Variants in PEDS1 observed in about 807,000 individuals in gnomAD.
PEDS1 encodes CarF homolog.
PEDS1 carries 14 observed loss-of-function variants against 35.2 expected under a neutral mutation model. The observed-to-expected ratio is 0.40, with a 90% CI of 0.26 to 0.62. The LOEUF is 0.62. PEDS1 is among the 20% of genes least tolerant of loss of function. The pLI is 0.44. For synonymous variants in PEDS1, 152 were observed against 152.0 expected, an observed-to-expected ratio of 1.00 and a Z score of 0.00; for missense variants, 260 against 367.8, an observed-to-expected ratio of 0.71 and a Z score of 2.40.
In PEDS1 at chr20:50,128,156, G is replaced by A; in HGVS notation, c.510C>T (p.Cys170=). The change falls in exon 5 of 6, where the codon TGC becomes TGT. Residue 170 remains cysteine (C), a synonymous_variant. Coordinates refer to ENST00000371652, the MANE Select transcript of PEDS1 (RefSeq NM_199129.4). This position sits in a 1 kb window ranked among gnomAD's most constrained non-coding sequence, Gnocchi z 5.2. ...CGAAGATGATCAGGCAGAAGACGAA[G>A]CACTCCCAGGGGTATAGCTGCTCCA... ...EALEQLYPWE[C]FVFCLIIFGT... 2 of 1,614,156 alleles carry A rather than the reference G, an allele frequency of 1.2e-6. No homozygotes were observed. Among genetic ancestry groups the A allele is most frequent in the Middle Eastern group, 1.6e-4 (1 of 6,062 alleles).
intron 1 of PEDS1, among the ~76,000 whole-genome samples, chr20:50,149,804 C>T (rs2081383623): frequency 6.6e-6 from 1 of 152,186 alleles, no homozygotes; most frequent in African/African-American, 2.4e-5. Context: ...GGCTGGCTGA[C>T]TTCCATAGTG....
At position 50,130,964 on chromosome 20, in the gene PEDS1, G is replaced by A; in HGVS notation, c.242-17C>T. 6.2e-7 allele frequency: 1 copy of A among 1,614,200 alleles called. No homozygotes were observed. The highest frequency in any genetic ancestry group is 8.5e-7 in the Non-Finnish European group (1 of 1,180,036). Reference sequence around the variant, plus strand: ...CCCCTGCAACTGTGGACAAGAGGGTGAGTGAAGGGACATCCCTGCACCCCC... The same window carrying A: ...CCCCTGCAACTGTGGACAAGAGGGTAAGTGAAGGGACATCCCTGCACCCCC... On this transcript the variant is annotated splice_polypyrimidine_tract_variant and intron_variant, in intron 2 of 5. Coordinates refer to ENST00000371652, the MANE Select transcript of PEDS1 (RefSeq NM_199129.4).
intron 2 of PEDS1, chr20:50,131,229 C>A: frequency 1.5e-6 from 1 of 671,062 alleles, no homozygotes. Flanking sequence ...CTATTAGGAG[C>A]AGGCTGTGCC....
At chr20:50,142,695 C>CCG (rs1555884367) in intron 2 of PEDS1, among the ~76,000 whole-genome samples, 5 of 107,104 alleles carry the variant, frequency 4.7e-5, no homozygotes, top group Admixed American at 8.4e-5. Flanking sequence ...CCCCCCCCCC[C>CCG]GCCCCAACGG....
At chr20:50,140,359 CT>C (rs1486265986) in intron 2 of PEDS1, among the ~76,000 whole-genome samples, 1 of 152,264 alleles carries the variant, frequency 6.6e-6, no homozygotes, top group African/African-American at 2.4e-5. Flanking sequence ...TGTCAACTCC[CT>C]GTGGGAAACT....
rs750774323 is a variant in PEDS1, at chr20:50,129,702, G to A, written c.334-12C>T. 7 of 1,613,604 alleles carry A rather than the reference G, an allele frequency of 4.3e-6. No individual in the cohort carries two copies. The Admixed American group carries it at 8.3e-5, about 19-fold the overall frequency. ...GGTCGGATGAAAGCCTGGAGTTGAG[G>A]GGGACACAGCCCCAGCAGTCAGCCT... is the stretch of plus-strand genomic sequence containing the variant. On this transcript the variant is annotated splice_polypyrimidine_tract_variant and intron_variant, in intron 3 of 5. Transcript: ENST00000371652. This position sits in a 1 kb window ranked among gnomAD's most constrained non-coding sequence, Gnocchi z 4.2.
chr20:50,152,530 G>C (rs1256740393), intron 1 of PEDS1, among the ~76,000 whole-genome samples: 1 of 151,710 alleles, frequency 6.6e-6, no homozygotes, highest in Non-Finnish European at 1.5e-5. Flanking sequence ...AAAATTCCTA[G>C]GGCTCACGTA....
In PEDS1 at chr20:50,143,637, G is replaced by C. The variant is rs775126822; in HGVS notation, c.122-16C>G. ...AGGCGCTTGCCTGCAGGGAGCAGAG[G>C]CGAGAGGTAAAGGCTGGAAGGTCAA... On this transcript the variant is annotated splice_polypyrimidine_tract_variant and intron_variant, in intron 1 of 5. Coordinates refer to ENST00000371652, the MANE Select transcript of PEDS1 (RefSeq NM_199129.4). The C allele has an allele frequency of 2.0e-5, 32 of 1,613,850 alleles. No individual in the cohort carries two copies. The African/African-American group carries it at 3.9e-4, about 20-fold the overall frequency.
chr20:50,139,772 C>T (rs1408010074), intron 2 of PEDS1, among the ~76,000 whole-genome samples: 2 of 151,766 alleles, frequency 1.3e-5, no homozygotes, highest in African/African-American at 4.8e-5. Context: ...CTCTGCCTCC[C>T]GTGTTCAATC....
intron 2 of PEDS1, among the ~76,000 whole-genome samples, chr20:50,140,947 G>T (rs1170661904): frequency 6.6e-6 from 1 of 152,198 alleles, no homozygotes; most frequent in Non-Finnish European, 1.5e-5. Context: ...GAAATGTGTG[G>T]GATGGGGAAG....
chr20:50,153,712 ACGC>A lies in PEDS1; in HGVS notation c.-78_-76del. ...AGGGCCGCGGAACCGCGGCGAGATC[ACGC>A]CGCCCAATGACCGCCCAGCGCCGGG... On this transcript the variant is annotated 5_prime_UTR_variant, in exon 1 of 6. Transcript: ENST00000371652. 1 of 1,145,698 alleles carries A rather than the reference ACGC, an allele frequency of 8.7e-7. No homozygotes were observed. 71.0% of individuals were successfully genotyped at this position (1,145,698 alleles called of 1,614,324 possible).
chr20:50,130,723 G>A (rs964633523), intron 3 of PEDS1, 133 bp downstream of exon 3: 1 of 1,128,556 alleles, frequency 8.9e-7, no homozygotes, highest in Non-Finnish European at 1.3e-6. Flanking sequence ...TGCAGCACAG[G>A]GGTGAGGGAC....
At position 50,129,510 on chromosome 20, in the gene PEDS1, G is replaced by A. The variant is rs752297141; in HGVS notation, c.478+36C>T. ...CTGGGGGTCGGCCTCTGCCCCCAAGGCCCCCTCCCAGCCCACCACTAGCTG... is the reference window on the plus strand; with the variant it reads ...CTGGGGGTCGGCCTCTGCCCCCAAGACCCCCTCCCAGCCCACCACTAGCTG... On this transcript the variant is annotated intron_variant, in intron 4 of 5. Coordinates refer to ENST00000371652, the MANE Select transcript of PEDS1 (RefSeq NM_199129.4). The surrounding 1 kb of genome is among the most constrained non-coding windows in gnomAD (Gnocchi z 4.2). 1.9e-6 allele frequency: 3 copies of A among 1,612,732 alleles called. No individual in the cohort carries two copies. The highest frequency in any genetic ancestry group is 2.2e-5 in the South Asian group (2 of 90,998).
intron 2 of PEDS1, among the ~76,000 whole-genome samples, chr20:50,136,695 C>A (rs2081238062): frequency 7.3e-6 from 1 of 136,804 alleles, no homozygotes; most frequent in South Asian, 2.3e-4. Flanking sequence ...TACACTCCAG[C>A]CTGGGTGACA....
At chr20:50,138,505 C>T (rs575576881) in intron 2 of PEDS1, among the ~76,000 whole-genome samples, 109 of 152,374 alleles carry the variant, frequency 7.2e-4, no homozygotes, top group African/African-American at 2.5e-3. Flanking sequence ...CAACGCAGCT[C>T]CTGTGAGCTC....
In PEDS1 at chr20:50,138,051, A is replaced by G. The variant is rs575873257; in HGVS notation, c.241+5451T>C. Among the ~76,000 whole-genome samples the G allele has an allele frequency of 2.0e-5, 3 of 152,352 alleles. No individual in the cohort carries two copies. In the East Asian group the frequency reaches 5.8e-4, roughly 29 times the overall value. The stretch of plus-strand genomic sequence containing the variant: ...TGTATCAACACTGGCACACACTGTA[A>G]CAAATGTGCCCCGCTAATGTAAGAT... On this transcript the variant is annotated intron_variant, in intron 2 of 5. Transcript: ENST00000371652.
At chr20:50,148,039 G>A (rs140291038) in intron 1 of PEDS1, among the ~76,000 whole-genome samples, 3,302 of 152,266 alleles carry the variant, frequency 0.022, 115 homozygotes, top group African/African-American at 0.074. Flanking sequence ...GCAGTGAGCC[G>A]AGATCGTGCC....
intron 2 of PEDS1, among the ~76,000 whole-genome samples, chr20:50,142,141 C>A (rs1193103086): frequency 6.6e-6 from 1 of 152,218 alleles, no homozygotes; most frequent in African/African-American, 2.4e-5. Context: ...CCTCAGTTCC[C>A]TCATCTGGAA....
chr20:50,125,145 G>C lies in PEDS1; in HGVS notation c.726C>G (p.Phe242Leu), dbSNP rs1459737832. 3 of 1,614,186 alleles carry C rather than the reference G, an allele frequency of 1.9e-6. No individual in the cohort carries two copies. The highest frequency in any genetic ancestry group is 2.7e-5 in the African/African-American group (2 of 75,066). ...WLNYPLEKIGFWRRLEDLIQG... is the reference protein window; with the variant it reads ...WLNYPLEKIGLWRRLEDLIQG... ...GGATGAGGTCCTCCAGGCGTCGCCA[G>C]AAGCCTATCTTCTCCAGAGGGTAGT... Residue 242 changes from phenylalanine (F) to leucine (L), a missense_variant, in exon 6 of 6, where the codon TTC becomes TTG. By Grantham distance (22) the Phe-to-Leu change is conservative (BLOSUM62 0). Transcript: ENST00000371652.
Sources: gnomAD v4.1 joint callset for allele counts (sites outside exome capture counted in the v4.1 genomes callset) on GRCh38, gnomAD v4.1.1 for gene constraint, Gnocchi (gnomAD v3.1) non-coding constraint, MANE v1.5 for transcripts, NCBI Gene and HGNC (gene_info 2026-07-23, HGNC 2026-07-21) for gene names.